Variants in CCL26 observed in about 807,000 individuals in gnomAD.
CCL26 encodes C-C motif chemokine 26.
A neutral mutation model predicts 10.7 loss-of-function variants in CCL26; 10 were observed. That is an observed-to-expected ratio of 0.93 (90% CI 0.57 to 1.58). The LOEUF is 1.58. Ranked by LOEUF, CCL26 falls within the 40% of genes most tolerant of loss-of-function variation. CCL26 has a pLI of 0.00. For synonymous variants in CCL26, 43 were observed against 41.4 expected (o/e 1.04, Z -0.15); for missense variants, 116 against 111.0 (o/e 1.05, Z -0.20).
chr7:75,776,844 G>A (rs1554528805), upstream of CCL26, among the ~76,000 whole-genome samples: 1 of 152,116 alleles, frequency 6.6e-6, no homozygotes, highest in African/African-American at 2.4e-5. Flanking sequence ...ACTGCTGGGG[G>A]TGGGGTGGAA....
Position 75,770,661 on chromosome 7 carries a change from G to A in CCL26, c.189-872C>T, listed in dbSNP as rs557899696. 1.2e-4 allele frequency among the ~76,000 whole-genome samples: 18 copies of A among 151,716 alleles called. No individual in the cohort carries two copies. The East Asian group carries it at 1.6e-3, about 13-fold the overall frequency. Reference sequence around the variant, plus strand: ...CTCCCAAAGTGCTGGGATTACAGGCGTGAGCCACCACGCCCGGCCTATTTT... The same window carrying A: ...CTCCCAAAGTGCTGGGATTACAGGCATGAGCCACCACGCCCGGCCTATTTT... On this transcript the variant is annotated intron_variant, in intron 2 of 2. Transcript: ENST00000005180.
At chr7:75,772,640 G>C (rs1802851311), upstream of CCL26, among the ~76,000 whole-genome samples, 1 of 145,058 alleles carries the variant, frequency 6.9e-6, no homozygotes. Flanking sequence ...CTGGGCGACA[G>C]AGTGAGACTC....
intron 2 of CCL26, among the ~76,000 whole-genome samples, chr7:75,771,162 G>C (rs1802812544): frequency 6.6e-6 from 1 of 152,026 alleles, no homozygotes; most frequent in Non-Finnish European, 1.5e-5. Context: ...ATACCTCACT[G>C]CAGCCTTGAA....
chr7:75,781,813 C>G (rs1293767311), intron 1 of CCL26, among the ~76,000 whole-genome samples: 1 of 152,110 alleles, frequency 6.6e-6, no homozygotes, highest in Non-Finnish European at 1.5e-5. Flanking sequence ...AAAACAGCCC[C>G]ACCCCTATCT....
At chr7:75,784,335 T>C (rs1803133844) in intron 1 of CCL26, among the ~76,000 whole-genome samples, 1 of 152,192 alleles carries the variant, frequency 6.6e-6, no homozygotes, top group South Asian at 2.1e-4. Context: ...CCAGAGCCCC[T>C]GGAACTCTGG....
intron 1 of CCL26, among the ~76,000 whole-genome samples, chr7:75,778,863 A>C (rs1803000404): frequency 1.3e-5 from 2 of 151,988 alleles, no homozygotes; most frequent in African/African-American, 2.4e-5. Flanking sequence ...GGGGCAGATC[A>C]CTAGGTCAGG....
intron 1 of CCL26, among the ~76,000 whole-genome samples, chr7:75,787,561 T>A: frequency 6.9e-6 from 1 of 145,076 alleles, no homozygotes. Flanking sequence ...AGGAGGATGG[T>A]GTGAACCTGG....
At chr7:75,780,710 C>T (rs150447743) in intron 1 of CCL26, among the ~76,000 whole-genome samples, 228 of 152,222 alleles carry the variant, frequency 1.5e-3, no homozygotes, top group Middle Eastern at 0.01. Flanking sequence ...CGCCTGTCCC[C>T]TCAGTCCCAA....
rs1554528192 is a variant in CCL26 at position 75,772,109 on chromosome 7, G to T, written c.68C>A (p.Ala23Asp). ...ASLLSLHLGTATRGSDISKTC... is the reference protein window; with the variant it reads ...ASLLSLHLGTDTRGSDISKTC... ...GGAATGGGCCAGCTACGTACGTGTG[G>T]CAGTTCCAAGGTGGAGACTCAGGAG... Residue 23 changes from alanine (A) to aspartate (D), a missense_variant, in exon 1 of 3, where the codon GCC (alanine) becomes GAC (aspartate). By Grantham distance (126) the Ala-to-Asp change is moderately radical (BLOSUM62 -2). Coordinates refer to ENST00000005180, the MANE Select transcript of CCL26 (RefSeq NM_001371938.1). 2 of 1,577,646 alleles carry T rather than the reference G, an allele frequency of 1.3e-6. No homozygotes were observed. The highest frequency in any genetic ancestry group is 1.7e-6 in the Non-Finnish European group (2 of 1,161,664).
chr7:75,776,060 T>C (rs1483357193), upstream of CCL26, among the ~76,000 whole-genome samples: 1 of 137,112 alleles, frequency 7.3e-6, no homozygotes, highest in Non-Finnish European at 1.5e-5. Flanking sequence ...TTCAAATTAG[T>C]TCACACTCTT....
chr7:75,790,402 A>C, upstream of CCL26, among the ~76,000 whole-genome samples: 1 of 144,482 alleles, frequency 6.9e-6, no homozygotes. Flanking sequence ...GGCATGCACC[A>C]CCATGTTCTG....
At position 75,771,435 on chromosome 7, in the gene CCL26, G is replaced by A. The variant is rs540380198; in HGVS notation, c.188+454C>T. 1.0e-3 allele frequency among the ~76,000 whole-genome samples: 154 copies of A among 152,114 alleles called. 1 individual carries two copies. Among genetic ancestry groups the A allele is most frequent in the Middle Eastern group, 6.8e-3 (2 of 294 alleles). On this transcript the variant is annotated intron_variant, in intron 2 of 2. Transcript: ENST00000005180. ...TCACTGTGAGTTTATTAAAAGTGGGGATTGGCTGGGTCCAGTGACTCACAC... is the reference window on the plus strand; with the variant it reads ...TCACTGTGAGTTTATTAAAAGTGGGAATTGGCTGGGTCCAGTGACTCACAC...
At chr7:75,788,272 C>G (rs1371833925) in intron 1 of CCL26, among the ~76,000 whole-genome samples, 1 of 152,098 alleles carries the variant, frequency 6.6e-6, no homozygotes, top group African/African-American at 2.4e-5. Flanking sequence ...TGAAAATGGC[C>G]TGTTCTTGCC....
chr7:75,786,705 T>C (rs1554530039), intron 1 of CCL26, among the ~76,000 whole-genome samples: 1 of 152,114 alleles, frequency 6.6e-6, no homozygotes, highest in Non-Finnish European at 1.5e-5. Flanking sequence ...GGCCAGTTTT[T>C]CTTCTTCTCA....
At position 75,769,632 on chromosome 7, in the gene CCL26, C is replaced by T; in HGVS notation, c.*61G>A. 2 of 1,116,700 alleles carry T rather than the reference C, an allele frequency of 1.8e-6. No homozygotes were observed. The highest frequency in any genetic ancestry group is 1.5e-5 in the African/African-American group (1 of 65,388). 69.2% of individuals were successfully genotyped at this position (1,116,700 alleles called of 1,614,324 possible). A position where few individuals can be genotyped will look rare whatever the true frequency, so the allele number is the denominator to read the frequency against. ...CCTTCAGAAAAGATTCCGCAGGCTC[C>T]CCAGAGGGCTGCAGAGCCAAGAGCG... is the stretch of plus-strand genomic sequence containing the variant. On this transcript the variant is annotated 3_prime_UTR_variant, in exon 3 of 3. Coordinates refer to ENST00000005180, the MANE Select transcript of CCL26 (RefSeq NM_001371938.1).
At chr7:75,788,574 A>C (rs1444397463) in intron 1 of CCL26, among the ~76,000 whole-genome samples, 2 of 151,982 alleles carry the variant, frequency 1.3e-5, no homozygotes, top group Non-Finnish European at 2.9e-5. Context: ...ACCCATCTCT[A>C]CTAAAAGTAC....
intron 1 of CCL26, among the ~76,000 whole-genome samples, chr7:75,788,724 C>CG (rs1554530331): frequency 9.9e-6 from 1 of 100,510 alleles, no homozygotes; most frequent in African/African-American, 3.7e-5. Flanking sequence ...AGACTCCGTC[C>CG]AAAAAAAAAA....
chr7:75,778,848 T>TCCG (rs59030718), intron 1 of CCL26, among the ~76,000 whole-genome samples: 1 of 149,142 alleles, frequency 6.7e-6, no homozygotes, highest in Non-Finnish European at 1.5e-5. Context: ...GAGGCCAAGG[T>TCCG]GGGGGGGGCA....
chr7:75,790,120 T>C (rs1756086980), upstream of CCL26, among the ~76,000 whole-genome samples: 2 of 150,312 alleles, frequency 1.3e-5, no homozygotes, highest in Non-Finnish European at 3.0e-5. Context: ...TCTTTCTTTT[T>C]CTTTCTTTCT....
Sources: allele counts gnomAD v4.1 joint callset (sites outside exome capture counted in the v4.1 genomes callset), GRCh38; gene constraint gnomAD v4.1.1; transcripts MANE v1.5; gene names NCBI Gene and HGNC (gene_info 2026-07-23, HGNC 2026-07-21).